The following NDRG4 variants were observed in gnomAD, a reference collection of about 807,000 sequenced individuals.
The protein encoded by NDRG4 is NDRG family member 4.
In NDRG4, 38 loss-of-function variants were observed where a neutral mutation model predicts 55.8. The observed-to-expected ratio is 0.68, with a 90% CI of 0.53 to 0.89. NDRG4 has a LOEUF of 0.89. Ranked by LOEUF, NDRG4 falls within the 40% of genes least tolerant of loss-of-function variation. The pLI, the probability that NDRG4 is intolerant of heterozygous loss-of-function variation, is 0.00. For synonymous variants in NDRG4, 190 were observed against 182.7 expected (o/e 1.04, Z -0.32); for missense variants, 455 against 468.6 (o/e 0.97, Z 0.27).
At chr16:58,482,260 G>A (rs1483759911) in intron 1 of NDRG4, among the ~76,000 whole-genome samples, 1 of 152,158 alleles carries the variant, frequency 6.6e-6, no homozygotes, top group Non-Finnish European at 1.5e-5. Flanking sequence ...GTGTGGACCG[G>A]ACCTTGACCC....
intron 1 of NDRG4, 166 bp from the exon 2 acceptor site, chr16:58,503,632 C>T: frequency 7.4e-7 from 1 of 1,358,538 alleles, no homozygotes; most frequent in South Asian, 1.3e-5. Context: ...AGGGGTGTTC[C>T]ATCCATTCAG....
intron 5 of NDRG4, among the ~76,000 whole-genome samples, chr16:58,504,934 CTA>C (rs1330400196): frequency 6.6e-6 from 1 of 152,218 alleles, no homozygotes; most frequent in Non-Finnish European, 1.5e-5. Flanking sequence ...TAGCAACAAA[CTA>C]TACAACTAAC....
At chr16:58,502,832 G>C (rs2037335712) in intron 1 of NDRG4, among the ~76,000 whole-genome samples, 1 of 152,218 alleles carries the variant, frequency 6.6e-6, no homozygotes, top group Non-Finnish European at 1.5e-5. Context: ...ATTTAGCTCA[G>C]ATGGCCCCTC....
intron 1 of NDRG4, chr16:58,500,790 T>G: frequency 2.4e-6 from 1 of 413,090 alleles, no homozygotes; most frequent in Non-Finnish European, 4.2e-6. Flanking sequence ...CCGTCTAGCT[T>G]GTTTGGATGG....
upstream of NDRG4, chr16:58,495,315 C>A: frequency 2.8e-6 from 1 of 355,734 alleles, no homozygotes; most frequent in South Asian, 5.3e-5. Context: ...CCAGGACAAC[C>A]CTGTCCTCCT....
chr16:58,487,818 C>G, exon 2 of NDRG4: 1 of 1,543,148 alleles, frequency 6.5e-7, no homozygotes, highest in African/African-American at 1.4e-5. Context: ...TGAGGAGAAG[C>G]CGCTGCTCCG....
intron 1 of NDRG4, among the ~76,000 whole-genome samples, chr16:58,471,691 G>A (rs2032857045): frequency 6.6e-6 from 1 of 152,108 alleles, no homozygotes; most frequent in African/African-American, 2.4e-5. Flanking sequence ...GTGATCAGGT[G>A]TCTTAAGCCC....
chr16:58,465,320 G>T (rs2031387764), intron 1 of NDRG4: 1 of 422,614 alleles, frequency 2.4e-6, no homozygotes, highest in African/African-American at 2.0e-5. Flanking sequence ...GAGCCCCGGA[G>T]CCCTGTTACA....
At chr16:58,474,294 T>C (rs1019406917) in intron 1 of NDRG4, among the ~76,000 whole-genome samples, 3 of 152,120 alleles carry the variant, frequency 2.0e-5, no homozygotes, top group Admixed American at 6.5e-5. Flanking sequence ...GCACCTGCCT[T>C]AGCCTCCCAA....
intron 1 of NDRG4, 179 bp from the exon 2 acceptor site, chr16:58,503,619 A>G: frequency 8.2e-7 from 1 of 1,226,984 alleles, no homozygotes; most frequent in Non-Finnish European, 1.2e-6. Context: ...AACAGCCCTG[A>G]GAAGGGGTGT....
rs530872736 is a variant in NDRG4 at position 58,486,341 on chromosome 16, G to A, written c.-23-1415G>A. Among the ~76,000 whole-genome samples, 8 of 151,374 alleles carry A rather than the reference G, an allele frequency of 5.3e-5. No individual in the cohort carries two copies. The East Asian group carries it at 5.8e-4, about 11-fold the overall frequency. On this transcript the variant is annotated intron_variant, in intron 1 of 15. Transcript: ENST00000258187. ...CACACCCAGCTACTTTATTTTTTTC[G>A]TAGAGATGGGGCCTTGCTATGTTGT...
At chr16:58,483,912 A>C (rs1210663767) in intron 1 of NDRG4, among the ~76,000 whole-genome samples, 1 of 152,166 alleles carries the variant, frequency 6.6e-6, no homozygotes, top group Non-Finnish European at 1.5e-5. Context: ...AAAAAATGAA[A>C]AGAAAAAATA....
At chr16:58,497,806 C>G (rs2036578618), upstream of NDRG4, among the ~76,000 whole-genome samples, 1 of 152,198 alleles carries the variant, frequency 6.6e-6, no homozygotes, top group African/African-American at 2.4e-5. Context: ...GAGAGGCACA[C>G]AGGCTGCCTC....
At chr16:58,475,459 C>T (rs1040987463) in intron 1 of NDRG4, among the ~76,000 whole-genome samples, 8 of 152,138 alleles carry the variant, frequency 5.3e-5, no homozygotes, top group Non-Finnish European at 1.2e-4. Flanking sequence ...TGGGAAAGCC[C>T]CACCCTTTCC....
chr16:58,494,948 G>A (rs775539575), intron 2 of NDRG4: 6 of 1,613,190 alleles, frequency 3.7e-6, no homozygotes, highest in Non-Finnish European at 5.1e-6. Context: ...CACCCCCTCT[G>A]TTTGCCTTCC....
At chr16:58,465,095 G>A in intron 1 of NDRG4, 6 of 1,286,640 alleles carry the variant, frequency 4.7e-6, no homozygotes, top group Middle Eastern at 3.2e-4. Context: ...CAGGGACGGG[G>A]GGGAGGATTC....
intron 2 of NDRG4, among the ~76,000 whole-genome samples, chr16:58,489,251 C>T (rs1354987552): frequency 6.6e-6 from 1 of 152,022 alleles, no homozygotes; most frequent in Non-Finnish European, 1.5e-5. Flanking sequence ...CGCCGCACTC[C>T]AGCCTGGGCA....
At chr16:58,507,418 C>G (rs1293475449) in intron 8 of NDRG4, 2 of 357,310 alleles carry the variant, frequency 5.6e-6, no homozygotes, top group Admixed American at 4.2e-5. Flanking sequence ...GGAAGGTGGC[C>G]AGGCCCCCTC....
intron 1 of NDRG4, among the ~76,000 whole-genome samples, chr16:58,481,453 C>T (rs546902652): frequency 7.9e-5 from 12 of 151,950 alleles, no homozygotes; most frequent in Admixed American, 6.6e-4. Context: ...GCTGGGGGTG[C>T]GTGCGTGTGT....
Sources: gnomAD v4.1 joint callset for allele counts (sites outside exome capture counted in the v4.1 genomes callset) on GRCh38, gnomAD v4.1.1 for gene constraint, MANE v1.5 for transcripts, NCBI Gene and HGNC (gene_info 2026-07-23, HGNC 2026-07-21) for gene names.